Variants in PDE4B observed in about 807,000 individuals in gnomAD.
PDE4B encodes the protein 3',5'-cyclic-AMP phosphodiesterase 4B.
PDE4B carries 20 observed loss-of-function variants against 82.2 expected under a neutral mutation model. That is an observed-to-expected ratio of 0.24 (90% CI 0.17 to 0.35). The LOEUF is 0.35. Among genes scored for constraint, PDE4B ranks in the 10% least tolerant of loss-of-function variants. The pLI is 1.00. For synonymous variants in PDE4B, 320 were observed against 318.9 expected (o/e 1.00, Z -0.04); for missense variants, 655 against 907.2 (o/e 0.72, Z 3.57).
chr1:65,835,615 A>T (rs1281259633), intron 1 of PDE4B, among the ~76,000 whole-genome samples: 1 of 152,176 alleles, frequency 6.6e-6, no homozygotes, highest in Non-Finnish European at 1.5e-5. Flanking sequence ...ATCTTAGTGA[A>T]GTCACTAGAG....
chr1:66,369,057 A>T, intron 16 of PDE4B, 88 bp downstream of exon 16: 1 of 954,588 alleles, frequency 1.0e-6, no homozygotes, highest in Non-Finnish European at 1.5e-6. Flanking sequence ...TTCCAATAGA[A>T]TATGTATATA....
At chr1:65,866,912 C>T (rs942569740) in intron 1 of PDE4B, among the ~76,000 whole-genome samples, 8 of 152,088 alleles carry the variant, frequency 5.3e-5, no homozygotes, top group Admixed American at 3.3e-4. Flanking sequence ...AGTTAGAAAA[C>T]GTGAATATAA....
At chr1:66,083,762 T>C (rs1656862960) in intron 3 of PDE4B, among the ~76,000 whole-genome samples, 1 of 152,160 alleles carries the variant, frequency 6.6e-6, no homozygotes, top group Admixed American at 6.5e-5. Context: ...TCACTAACTC[T>C]TTGGAAAATC....
chr1:66,311,148 G>A (rs1051442097), intron 7 of PDE4B, among the ~76,000 whole-genome samples: 3 of 152,124 alleles, frequency 2.0e-5, no homozygotes, highest in African/African-American at 7.2e-5. Flanking sequence ...CCAGTTATGC[G>A]GTGCAGCTGA....
At chr1:66,164,535 C>CAAAAAAAA (rs10718019) in intron 3 of PDE4B, among the ~76,000 whole-genome samples, 131 of 48,554 alleles carry the variant, frequency 2.7e-3, no homozygotes, top group East Asian at 5.6e-3. Flanking sequence ...GACTCCGTCT[C>CAAAAAAAA]AAAAAAAAAA....
chr1:66,315,795 G>T (rs976136975), intron 7 of PDE4B, among the ~76,000 whole-genome samples: 5 of 152,092 alleles, frequency 3.3e-5, no homozygotes, highest in Non-Finnish European at 7.4e-5. Flanking sequence ...AACTTCAGTG[G>T]CCTTCTTTTT....
chr1:65,811,215 C>T (rs549246650), intron 1 of PDE4B, among the ~76,000 whole-genome samples: 1 of 152,342 alleles, frequency 6.6e-6, no homozygotes, highest in Non-Finnish European at 1.5e-5. Context: ...CAGCTTTACA[C>T]AATAAGAATA....
At chr1:65,825,273 G>A (rs762028067) in intron 1 of PDE4B, among the ~76,000 whole-genome samples, 2 of 152,020 alleles carry the variant, frequency 1.3e-5, no homozygotes, top group South Asian at 4.2e-4. Flanking sequence ...ATTATACCTG[G>A]AACTGTAGTG....
intron 7 of PDE4B, among the ~76,000 whole-genome samples, chr1:66,289,418 T>A (rs980827589): frequency 3.3e-5 from 5 of 152,068 alleles, no homozygotes; most frequent in African/African-American, 1.2e-4. Flanking sequence ...TGGGAAAAGG[T>A]CTGTCCAAGG....
intron 8 of PDE4B, among the ~76,000 whole-genome samples, chr1:66,333,228 A>G (rs1660257705): frequency 6.6e-6 from 1 of 152,192 alleles, no homozygotes. Context: ...TAGTGAAATC[A>G]TTTGAAATTG....
chr1:65,993,288 A>T, intron 3 of PDE4B: 1 of 620,420 alleles, frequency 1.6e-6, no homozygotes, highest in Non-Finnish European at 2.8e-6. Flanking sequence ...GGTCAGATGA[A>T]GAGTACATAA....
At chr1:66,197,303 A>G (rs1648404457) in intron 3 of PDE4B, among the ~76,000 whole-genome samples, 1 of 152,134 alleles carries the variant, frequency 6.6e-6, no homozygotes, top group Non-Finnish European at 1.5e-5. Context: ...CTGAAAAGGG[A>G]TCGTGTCTAA....
intron 3 of PDE4B, among the ~76,000 whole-genome samples, chr1:66,182,859 C>T (rs1647099196): frequency 6.6e-6 from 1 of 152,212 alleles, no homozygotes; most frequent in Admixed American, 6.6e-5. Flanking sequence ...CAGATGTTTT[C>T]TCCTTTACTG....
chr1:66,036,874 C>T (rs944121082), intron 3 of PDE4B, among the ~76,000 whole-genome samples: 1 of 152,004 alleles, frequency 6.6e-6, no homozygotes, highest in South Asian at 2.1e-4. Flanking sequence ...GTGTCTTATG[C>T]CTGTAATCCC....
intron 3 of PDE4B, among the ~76,000 whole-genome samples, chr1:66,041,514 A>G (rs1358665961): frequency 1.3e-5 from 2 of 151,900 alleles, no homozygotes; most frequent in African/African-American, 2.4e-5. Context: ...CTTCTACAAC[A>G]TACTGTCATT....
intron 8 of PDE4B, 53 bp downstream of exon 8, chr1:66,332,673 C>A (rs370582668): frequency 4.1e-6 from 6 of 1,466,130 alleles, no homozygotes; most frequent in Non-Finnish European, 4.7e-6. Flanking sequence ...GGAGCTCCAG[C>A]TCCCCTCACC....
chr1:66,083,579 G>C (rs996859224), intron 3 of PDE4B, among the ~76,000 whole-genome samples: 1 of 152,170 alleles, frequency 6.6e-6, no homozygotes, highest in Admixed American at 6.5e-5. Flanking sequence ...AGGAATCCAG[G>C]ATCCAAATCC....
intron 3 of PDE4B, among the ~76,000 whole-genome samples, chr1:65,932,679 A>G (rs1647905177): frequency 6.6e-6 from 1 of 152,228 alleles, no homozygotes; most frequent in Non-Finnish European, 1.5e-5. Flanking sequence ...AATAACCATT[A>G]TGAAGATGTT....
intron 3 of PDE4B, among the ~76,000 whole-genome samples, chr1:66,028,605 T>C (rs534002007): frequency 3.8e-4 from 58 of 152,320 alleles, no homozygotes; most frequent in African/African-American, 1.4e-3. Context: ...CTGCTTCCCT[T>C]ATAAAATTGA....
Sources: gnomAD v4.1 joint callset for allele counts (sites outside exome capture counted in the v4.1 genomes callset) on GRCh38, gnomAD v4.1.1 for gene constraint, MANE v1.5 for transcripts, NCBI Gene and HGNC (gene_info 2026-07-23, HGNC 2026-07-21) for gene names.